The following DNM1 variants were observed in gnomAD, a reference collection of about 807,000 sequenced individuals.
DNM1 encodes the protein dynamin-1.
DNM1 carries 29 observed loss-of-function variants against 104.6 expected under a neutral mutation model. That is an observed-to-expected ratio of 0.28 (90% CI 0.21 to 0.38). The LOEUF (loss-of-function observed/expected upper bound fraction) is 0.38, where lower values mean the gene tolerates loss of function less well. Among genes scored for constraint, DNM1 ranks in the 10% least tolerant of loss-of-function variants. DNM1 has a pLI of 1.00. For missense variants in DNM1, 640 were observed against 1,189.4 expected, an observed-to-expected ratio of 0.54 and a Z score of 6.79; for synonymous variants, 445 against 475.8, an observed-to-expected ratio of 0.94 and a Z score of 0.84.
intron 1 of DNM1, among the ~76,000 whole-genome samples, chr9:128,216,810 C>G (rs762683773): frequency 1.4e-4 from 22 of 152,220 alleles, no homozygotes; most frequent in Non-Finnish European, 2.5e-4. Flanking sequence ...GGTTCCACCT[C>G]TGGCTCTGTA....
At position 128,216,957 on chromosome 9, in the gene DNM1, T is replaced by A. The variant is rs41335450; in HGVS notation, c.162-1274T>A. On this transcript the variant is annotated intron_variant, in intron 1 of 21. Coordinates refer to ENST00000372923, the MANE Select transcript of DNM1 (RefSeq NM_004408.4). ...GATCCCATGACTGGCAATTCTGACA[T>A]CCTGATTCCTGGAGAGGCCTTCACC... Among the ~76,000 whole-genome samples, 659 of 152,302 alleles carry A rather than the reference T, an allele frequency of 4.3e-3. 2 individuals carry two copies. Among genetic ancestry groups the A allele is most frequent in the African/African-American group, 0.015 (633 of 41,546 alleles).
chr9:128,213,320 G>A (rs924685944), intron 1 of DNM1, among the ~76,000 whole-genome samples: 6 of 152,152 alleles, frequency 3.9e-5, no homozygotes, highest in Non-Finnish European at 7.3e-5. Context: ...GACCTCAGGC[G>A]ATCCACCCAC....
At position 128,248,894 on chromosome 9, in the gene DNM1, A is replaced by G. The variant is rs535050986; in HGVS notation, c.2076+141A>G. ...GCACGGTCCAGACCAGAGCTGTCCAATAGAAATATCATGAGGGGCTGGGCG... is the reference window on the plus strand; with the variant it reads ...GCACGGTCCAGACCAGAGCTGTCCAGTAGAAATATCATGAGGGGCTGGGCG... On this transcript the variant is annotated intron_variant, in intron 19 of 21. Transcript: ENST00000372923. This position sits in a 1 kb window ranked among gnomAD's most constrained non-coding sequence, Gnocchi z 5.6. 10 of 924,306 alleles carry G rather than the reference A, an allele frequency of 1.1e-5. No individual in the cohort carries two copies. In the African/African-American group the frequency reaches 1.2e-4, roughly 11 times the overall value. The allele number at this position is 924,306 out of a possible 1,614,324, so 57.3% of individuals were successfully genotyped here. A position where few individuals can be genotyped will look rare whatever the true frequency, so the allele number is the denominator to read the frequency against.
chr9:128,246,180 G>A (rs779835645), intron 15 of DNM1, among the ~76,000 whole-genome samples: 45 of 152,154 alleles, frequency 3.0e-4, no homozygotes, highest in Admixed American at 7.2e-4. Context: ...CCTGGCCCCC[G>A]GCATATATGC....
intron 1 of DNM1, among the ~76,000 whole-genome samples, chr9:128,206,986 CAGA>C (rs1285274391): frequency 3.3e-5 from 5 of 152,012 alleles, no homozygotes; most frequent in African/African-American, 1.2e-4. Context: ...CAGCTGCAAC[CAGA>C]AGGAGAATGG....
In DNM1 at chr9:128,252,844, T is replaced by C. The variant is rs181705705; in HGVS notation, c.2535-1810T>C. 1.9e-3 allele frequency: 1,322 copies of C among 678,716 alleles called. 28 individuals carry two copies. In the Admixed American group the frequency reaches 0.025, roughly 13 times the overall value. The allele number at this position is 678,716 out of a possible 1,614,324, so 42.0% of individuals were successfully genotyped here. On this transcript the variant is annotated intron_variant, in intron 21 of 21. Transcript: ENST00000372923. ...GACTCTGCCCACACGTGTGCTTCAG[T>C]GTGCTGAGTGGCTGCATGCCCCAGA... is the stretch of plus-strand genomic sequence containing the variant.
At chr9:128,252,628 G>T (rs1435187320) in intron 21 of DNM1, 7 of 406,676 alleles carry the variant, frequency 1.7e-5, no homozygotes, top group Non-Finnish European at 9.8e-6. Flanking sequence ...TGAAAAGTTT[G>T]ACTTGTTGGG....
In DNM1 at chr9:128,247,715, T is replaced by C. The variant is rs1292077820; in HGVS notation, c.1894-209T>C. ...TCTCTGTCTCTGTTGCAGATGGCAT[T>C]TCCTCCATCCCCTTTCTATGATGGT... On this transcript the variant is annotated intron_variant, in intron 17 of 21. Coordinates refer to ENST00000372923, the MANE Select transcript of DNM1 (RefSeq NM_004408.4). The surrounding 1 kb of genome is among the most constrained non-coding windows in gnomAD (Gnocchi z 5.1). Among the ~76,000 whole-genome samples, 1 of 152,222 alleles carries C rather than the reference T, an allele frequency of 6.6e-6. No individual in the cohort carries two copies. Among genetic ancestry groups the C allele is most frequent in the Non-Finnish European group, 1.5e-5 (1 of 68,042 alleles).
Position 128,254,498 on chromosome 9 carries a change from A to G in DNM1, c.2535-156A>G, listed in dbSNP as rs1829727722. On this transcript the variant is annotated intron_variant, in intron 21 of 21. Transcript: ENST00000372923. The surrounding 1 kb of genome is among the most constrained non-coding windows in gnomAD (Gnocchi z 6.1). ...CCCTTTCCCTTCCAGCCCCTTTTCC[A>G]GGAACCTTGCCACACCCACACCTGC... 8 of 1,514,716 alleles carry G rather than the reference A, an allele frequency of 5.3e-6. No homozygotes were observed. Among genetic ancestry groups the G allele is most frequent in the East Asian group, 2.5e-5 (1 of 40,210 alleles). The allele number at this position is 1,514,716 out of a possible 1,614,324, so 93.8% of individuals were successfully genotyped here.
At chr9:128,225,039 A>C in intron 10 of DNM1, among the ~76,000 whole-genome samples, 1 of 152,102 alleles carries the variant, frequency 6.6e-6, no homozygotes, top group Non-Finnish European at 1.5e-5. Context: ...AGAAGCACGC[A>C]GGGAGGCAGG....
In DNM1 at chr9:128,243,674, T is replaced by C. The variant is rs1836547640; in HGVS notation, c.1671+1329T>C. 6.6e-6 allele frequency among the ~76,000 whole-genome samples: 1 copy of C among 151,882 alleles called. No individual in the cohort carries two copies. Among genetic ancestry groups the C allele is most frequent in the Admixed American group, 6.6e-5 (1 of 15,264 alleles). Reference sequence around the variant, plus strand: ...TCTGCAGGCTCCCTAGATGCCCCCATGGGTTTGGGGTCTCCCATGTTGAGG... The same window carrying C: ...TCTGCAGGCTCCCTAGATGCCCCCACGGGTTTGGGGTCTCCCATGTTGAGG... On this transcript the variant is annotated intron_variant, in intron 15 of 21. Coordinates refer to ENST00000372923, the MANE Select transcript of DNM1 (RefSeq NM_004408.4). This position sits in a 1 kb window ranked among gnomAD's most constrained non-coding sequence, Gnocchi z 4.0.
chr9:128,216,187 G>A (rs753600835), intron 1 of DNM1, among the ~76,000 whole-genome samples: 1 of 152,154 alleles, frequency 6.6e-6, no homozygotes, highest in African/African-American at 2.4e-5. Context: ...CCCAGAGCCC[G>A]GCACAGGGCC....
At chr9:128,207,114 G>C (rs2131091508) in intron 1 of DNM1, among the ~76,000 whole-genome samples, 1 of 152,232 alleles carries the variant, frequency 6.6e-6, no homozygotes, top group South Asian at 2.1e-4. Context: ...TCCTGGGTGG[G>C]TGTTGGTGCC....
chr9:128,254,349 C>T lies in DNM1; in HGVS notation c.2535-305C>T. 1 of 1,406,712 alleles carries T rather than the reference C, an allele frequency of 7.1e-7. No individual in the cohort carries two copies. The highest frequency in any genetic ancestry group is 1.6e-5 in the South Asian group (1 of 61,040). 87.1% of individuals were successfully genotyped at this position (1,406,712 alleles called of 1,614,324 possible). ...AGGGAAGCCCGAGGGGGCCGAGCATCAGCCTGAATTGCGGGTGCCCTGCCT... is the reference window on the plus strand; with the variant it reads ...AGGGAAGCCCGAGGGGGCCGAGCATTAGCCTGAATTGCGGGTGCCCTGCCT... On this transcript the variant is annotated intron_variant, in intron 21 of 21. Transcript: ENST00000372923. The surrounding 1 kb of genome is among the most constrained non-coding windows in gnomAD (Gnocchi z 6.1).
intron 21 of DNM1, chr9:128,252,940 C>T (rs1829617258): frequency 1.4e-6 from 1 of 727,200 alleles, no homozygotes; most frequent in Non-Finnish European, 2.5e-6. Context: ...GAGGCGTATG[C>T]GTGTTGTTTG....
In DNM1 at chr9:128,250,095, C is replaced by T. The variant is rs1829423220; in HGVS notation, c.2077-20C>T. ...ACAGGCATCAGGTCCCCACCTCCTT[C>T]CCTCTTTGCCTACTCGCAGACCAAG... is the stretch of plus-strand genomic sequence containing the variant. On this transcript the variant is annotated intron_variant, in intron 19 of 21. Transcript: ENST00000372923. 1 of 1,613,984 alleles carries T rather than the reference C, an allele frequency of 6.2e-7. No homozygotes were observed. The highest frequency in any genetic ancestry group is 8.5e-7 in the Non-Finnish European group (1 of 1,179,910).
chr9:128,250,374 C>T lies in DNM1; in HGVS notation c.2318+18C>T. On this transcript the variant is annotated intron_variant, in intron 20 of 21. Coordinates refer to ENST00000372923, the MANE Select transcript of DNM1 (RefSeq NM_004408.4). ...GGACGCAGGTACCAGGGCCGGCCCC[C>T]ACGGCCCCAAAGCCCCCCAGCCCGG... 2 of 1,557,400 alleles carry T rather than the reference C, an allele frequency of 1.3e-6. No homozygotes were observed. Among genetic ancestry groups the T allele is most frequent in the Non-Finnish European group, 1.7e-6 (2 of 1,153,522 alleles).
chr9:128,203,947 A>C lies in DNM1; in HGVS notation c.161+316A>C. The C allele has an allele frequency of 1.8e-4, 31 of 174,394 alleles. No homozygotes were observed. Among genetic ancestry groups the C allele is most frequent in the East Asian group, 3.1e-4 (2 of 6,372 alleles). 10.8% of individuals were successfully genotyped at this position (174,394 alleles called of 1,614,324 possible). On this transcript the variant is annotated intron_variant, in intron 1 of 21. Coordinates refer to ENST00000372923, the MANE Select transcript of DNM1 (RefSeq NM_004408.4). The surrounding 1 kb of genome is among the most constrained non-coding windows in gnomAD (Gnocchi z 5.3). The stretch of plus-strand genomic sequence containing the variant: ...CAAAGAGCTGCCCCCCGCCCCCAAC[A>C]TGGGCATGGAGAGAGCCCGCATTAC...
chr9:128,211,205 C>T lies in DNM1; in HGVS notation c.162-7026C>T, dbSNP rs867306904. Among the ~76,000 whole-genome samples, 14 of 152,274 alleles carry T rather than the reference C, an allele frequency of 9.2e-5. No homozygotes were observed. The Middle Eastern group carries it at 0.014, about 148-fold the overall frequency. Reference sequence around the variant, plus strand: ...GTAGTTTCCTCCCTTGCCCCCTAATCCATTCCCCGCCCGACAGCATGAAAC... The same window carrying T: ...GTAGTTTCCTCCCTTGCCCCCTAATTCATTCCCCGCCCGACAGCATGAAAC... On this transcript the variant is annotated intron_variant, in intron 1 of 21. Transcript: ENST00000372923.
Sources: gnomAD v4.1 joint callset for allele counts (sites outside exome capture counted in the v4.1 genomes callset) on GRCh38, gnomAD v4.1.1 for gene constraint, Gnocchi (gnomAD v3.1) non-coding constraint, MANE v1.5 for transcripts, NCBI Gene and HGNC (gene_info 2026-07-23, HGNC 2026-07-21) for gene names.